Variants in FAM81A observed in about 807,000 individuals in gnomAD.
FAM81A encodes family with sequence similarity 81 member A, also known as protein FAM81A.
Under a neutral mutation model 46.7 loss-of-function variants are expected in FAM81A, and 19 were observed. The ratio of observed to expected loss-of-function variants is 0.41; its 90% CI spans 0.28 to 0.60. The LOEUF (loss-of-function observed/expected upper bound fraction) is 0.60. Among genes scored for constraint, FAM81A ranks in the 20% least tolerant of loss-of-function variants. The probability of loss-of-function intolerance (pLI) is 0.34; values close to 1 mark genes in which losing one functional copy is unlikely to be tolerated. For synonymous variants in FAM81A, 183 were observed against 152.9 expected (o/e 1.20, Z -1.45); for missense variants, 377 against 453.5 (o/e 0.83, Z 1.53).
intron 2 of FAM81A, among the ~76,000 whole-genome samples, chr15:59,432,111 C>T (rs1365561547): frequency 6.6e-6 from 1 of 152,074 alleles, no homozygotes. Context: ...CTATTAATTA[C>T]AATTTTTAAA....
intron 4 of FAM81A, among the ~76,000 whole-genome samples, 200 bp from the exon 5 acceptor site, chr15:59,507,013 C>T (rs547809136): frequency 6.6e-6 from 1 of 152,304 alleles, no homozygotes; most frequent in Admixed American, 6.5e-5. Context: ...CATCTCTAGC[C>T]TTATTAAGCA....
intron 2 of FAM81A, among the ~76,000 whole-genome samples, chr15:59,415,159 C>G (rs2081140955): frequency 6.7e-6 from 1 of 149,858 alleles, no homozygotes; most frequent in Admixed American, 6.7e-5. Flanking sequence ...TGCTCTGTCA[C>G]CCAGGCTGGA....
At chr15:59,402,633 C>T (rs1324822036) in intron 2 of FAM81A, among the ~76,000 whole-genome samples, 3 of 149,270 alleles carry the variant, frequency 2.0e-5, no homozygotes, top group Admixed American at 6.7e-5. Flanking sequence ...CTCTGCTTCC[C>T]GGGTTCAAGC....
At chr15:59,461,705 T>G (rs1386978525) in intron 3 of FAM81A, among the ~76,000 whole-genome samples, 6 of 152,194 alleles carry the variant, frequency 3.9e-5, no homozygotes, top group Non-Finnish European at 8.8e-5. Flanking sequence ...TGAGTAATAT[T>G]CTATTTTCTG....
At chr15:59,429,570 G>A (rs2081210599) in intron 2 of FAM81A, among the ~76,000 whole-genome samples, 3 of 152,130 alleles carry the variant, frequency 2.0e-5, no homozygotes, top group Admixed American at 2.0e-4. Context: ...TGGAAAAAGG[G>A]TTGACTCTTG....
At chr15:59,457,173 T>G (rs769228970) in intron 1 of FAM81A, among the ~76,000 whole-genome samples, 11 of 152,188 alleles carry the variant, frequency 7.2e-5, no homozygotes, top group Non-Finnish European at 1.0e-4. Context: ...AAATATTAAA[T>G]AAAAAATTCT....
chr15:59,439,758 T>C (rs28479551), intron 1 of FAM81A, among the ~76,000 whole-genome samples: 33,376 of 152,052 alleles, frequency 0.22, 4,732 homozygotes, highest in East Asian at 0.43. Context: ...GAAAAATACT[T>C]AGTGTCCAGG....
rs141685109 is a variant in FAM81A, at chr15:59,500,410, A to C, written c.414-6803A>C. On this transcript the variant is annotated intron_variant, in intron 4 of 8. Coordinates refer to ENST00000288228, the MANE Select transcript of FAM81A (RefSeq NM_152450.3). The stretch of plus-strand genomic sequence containing the variant: ...ACTGCTGGGCTCAAGCGACCCCCCA[A>C]CTTTAGTCTCCTGAGTAGCTGGGAC... 8.1e-3 allele frequency among the ~76,000 whole-genome samples: 1,231 copies of C among 151,844 alleles called. 10 individuals carry two copies. The highest frequency in any genetic ancestry group is 0.015 in the South Asian group (70 of 4,796).
At chr15:59,453,791 A>T (rs1422946968) in intron 1 of FAM81A, among the ~76,000 whole-genome samples, 1 of 152,042 alleles carries the variant, frequency 6.6e-6, no homozygotes, top group African/African-American at 2.4e-5. Context: ...GAAGAGCTGG[A>T]AGAGGGTAGG....
chr15:59,509,243 A>T (rs1386994784), intron 6 of FAM81A, among the ~76,000 whole-genome samples: 1 of 152,056 alleles, frequency 6.6e-6, no homozygotes, highest in Non-Finnish European at 1.5e-5. Context: ...CACAAACCAG[A>T]CTCTGTTCTT....
At chr15:59,484,764 C>G (rs1375427901) in intron 3 of FAM81A, among the ~76,000 whole-genome samples, 1 of 152,168 alleles carries the variant, frequency 6.6e-6, no homozygotes, top group African/African-American at 2.4e-5. Context: ...GGGACTTTGT[C>G]TTTAGCTTAG....
In FAM81A at chr15:59,521,457, C is replaced by G. The variant is rs1368219429; in HGVS notation, c.*79C>G. On this transcript the variant is annotated 3_prime_UTR_variant, in exon 9 of 9. Transcript: ENST00000288228. Reference sequence around the variant, plus strand: ...GGATACCTCTGTAGCCAGGCCATCGCTGCATTCAGGATTGTTCCATCCATG... The same window carrying G: ...GGATACCTCTGTAGCCAGGCCATCGGTGCATTCAGGATTGTTCCATCCATG... The G allele has an allele frequency of 1.5e-5, 23 of 1,493,248 alleles. No homozygotes were observed. Among genetic ancestry groups the G allele is most frequent in the Non-Finnish European group, 2.0e-5 (22 of 1,115,594 alleles). 92.5% of individuals were successfully genotyped at this position (1,493,248 alleles called of 1,614,324 possible).
At chr15:59,458,313 G>A (rs897923651) in intron 1 of FAM81A, among the ~76,000 whole-genome samples, 3 of 152,204 alleles carry the variant, frequency 2.0e-5, no homozygotes, top group Non-Finnish European at 4.4e-5. Flanking sequence ...CTGTTGGTCT[G>A]TCTTGCAAGG....
chr15:59,488,680 ATAAAAT>A (rs2081947902), intron 3 of FAM81A, among the ~76,000 whole-genome samples: 1 of 152,278 alleles, frequency 6.6e-6, no homozygotes, highest in African/African-American at 2.4e-5. Flanking sequence ...ATTGCTGTAA[ATAAAAT>A]TAAATACTGG....
chr15:59,508,506 T>C (rs2082172040), intron 5 of FAM81A, among the ~76,000 whole-genome samples: 1 of 152,236 alleles, frequency 6.6e-6, no homozygotes, highest in Non-Finnish European at 1.5e-5. Flanking sequence ...ATAAAAATTC[T>C]ATTTTCTATG....
At chr15:59,519,653 C>T (rs759691516) in intron 8 of FAM81A, among the ~76,000 whole-genome samples, 10 of 143,006 alleles carry the variant, frequency 7.0e-5, no homozygotes, top group South Asian at 2.4e-4. Flanking sequence ...CATATGAGAT[C>T]GTGCAGTATT....
At chr15:59,491,117 G>A (rs1288046093) in intron 3 of FAM81A, among the ~76,000 whole-genome samples, 1 of 152,150 alleles carries the variant, frequency 6.6e-6, no homozygotes, top group Non-Finnish European at 1.5e-5. Flanking sequence ...GCACTCCCGT[G>A]TTTATTGCAG....
chr15:59,520,678 C>A (rs1357109867), intron 8 of FAM81A, among the ~76,000 whole-genome samples: 1 of 151,870 alleles, frequency 6.6e-6, no homozygotes, highest in African/African-American at 2.4e-5. Flanking sequence ...ATTCTCCCTG[C>A]CTCAGCCTCC....
At chr15:59,514,541 TA>T in intron 7 of FAM81A, 117 bp downstream of exon 7, 1 of 1,288,126 alleles carries the variant, frequency 7.8e-7, no homozygotes, top group Non-Finnish European at 1.1e-6. Context: ...TTTCTTGCCT[TA>T]AAATCCATTT....
Sources: gnomAD v4.1 joint callset for allele counts (sites outside exome capture counted in the v4.1 genomes callset) on GRCh38, gnomAD v4.1.1 for gene constraint, MANE v1.5 for transcripts, NCBI Gene and HGNC (gene_info 2026-07-23, HGNC 2026-07-21) for gene names.